SLC44A5: variants seen among roughly 807,000 people sequenced by gnomAD.
SLC44A5 encodes the protein solute carrier family 44 member 5.
In SLC44A5, 57 loss-of-function variants were observed where a neutral mutation model predicts 101.8. The observed-to-expected ratio is 0.56, with a 90% CI of 0.45 to 0.70. The LOEUF (loss-of-function observed/expected upper bound fraction) is 0.70, where lower values mean the gene tolerates loss of function less well. SLC44A5 is among the 30% of genes least tolerant of loss of function. The pLI is 0.00. For synonymous variants in SLC44A5, 281 were observed against 290.9 expected, an observed-to-expected ratio of 0.97 and a Z score of 0.35; for missense variants, 737 against 853.1, an observed-to-expected ratio of 0.86 and a Z score of 1.70.
At chr1:75,341,342 C>T (rs1030645004) in intron 3 of SLC44A5, among the ~76,000 whole-genome samples, 6 of 152,136 alleles carry the variant, frequency 3.9e-5, no homozygotes, top group African/African-American at 9.6e-5. Context: ...ATTAGCTGGG[C>T]GTGATGGTGC....
chr1:75,669,773 A>G, the SLC44A5 span, among the ~76,000 whole-genome samples: 1 of 152,180 alleles, frequency 6.6e-6, no homozygotes, highest in Admixed American at 6.6e-5. Context: ...AAAATACTTG[A>G]GCAATTTCTT....
At chr1:75,523,271 C>T (rs1670238309) in intron 2 of SLC44A5, among the ~76,000 whole-genome samples, 1 of 152,036 alleles carries the variant, frequency 6.6e-6, no homozygotes, top group Admixed American at 6.6e-5. Flanking sequence ...ACAGACAAGC[C>T]TAGTTTTAAA....
rs187967935 is a variant in SLC44A5 at position 75,399,893 on chromosome 1, G to C, written c.14-3272C>G. Among the ~76,000 whole-genome samples the C allele has an allele frequency of 3.7e-3, 570 of 152,196 alleles. 3 individuals are homozygous for C. Among genetic ancestry groups the C allele is most frequent in the African/African-American group, 0.013 (548 of 41,520 alleles). On this transcript the variant is annotated intron_variant, in intron 2 of 23. Coordinates refer to ENST00000370859, the MANE Select transcript of SLC44A5 (RefSeq NM_001130058.2). ...AAATACCTGCACTCATATGTTTATT[G>C]CAGAACTGTTCGAAATACCAAAGTT...
At chr1:75,580,839 A>T (rs1413578584) in intron 1 of SLC44A5, among the ~76,000 whole-genome samples, 1 of 151,584 alleles carries the variant, frequency 6.6e-6, no homozygotes, top group Non-Finnish European at 1.5e-5. Context: ...CTCTGTCTCA[A>T]AAAAAAAAAC....
intron 1 of SLC44A5, among the ~76,000 whole-genome samples, chr1:75,555,919 C>G (rs1672189643): frequency 6.6e-6 from 1 of 152,012 alleles, no homozygotes. Context: ...ATAGATGAAT[C>G]TCAAAGTAAT....
chr1:75,654,671 C>T, the SLC44A5 span, among the ~76,000 whole-genome samples: 2,942 of 152,162 alleles, frequency 0.019, 93 homozygotes, highest in African/African-American at 0.068. Flanking sequence ...AAAATCTAAC[C>T]CTGAAGCCCA....
chr1:75,233,868 T>C, intron 12 of SLC44A5, 118 bp downstream of exon 12: 1 of 745,032 alleles, frequency 1.3e-6, no homozygotes, highest in Middle Eastern at 2.7e-4. Context: ...AAAGCTTTTT[T>C]GAGGGTAAAG....
intron 4 of SLC44A5, 97 bp from the exon 5 acceptor site, chr1:75,300,782 T>A: frequency 1.5e-6 from 1 of 656,466 alleles, no homozygotes; most frequent in Non-Finnish European, 2.4e-6. Flanking sequence ...ATAGTAATAG[T>A]GAGATGTTAT....
chr1:75,301,191 A>G (rs1476882782), intron 4 of SLC44A5, among the ~76,000 whole-genome samples: 1 of 152,174 alleles, frequency 6.6e-6, no homozygotes, highest in Non-Finnish European at 1.5e-5. Flanking sequence ...GGAACAAGGT[A>G]TATAAAGCAT....
rs945332901 is a variant in SLC44A5 at position 75,399,921 on chromosome 1, T to C, written c.14-3300A>G. Reference sequence around the variant, plus strand: ...GAACTGTTCGAAATACCAAAGTTATTGAATCAACCTAAGTGTTCACCAACA... The same window carrying C: ...GAACTGTTCGAAATACCAAAGTTATCGAATCAACCTAAGTGTTCACCAACA... On this transcript the variant is annotated intron_variant, in intron 2 of 23. Transcript: ENST00000370859. 2.6e-5 allele frequency among the ~76,000 whole-genome samples: 4 copies of C among 152,310 alleles called. No homozygotes were observed. In the East Asian group the frequency reaches 7.7e-4, roughly 29 times the overall value.
chr1:75,227,577 C>T lies in SLC44A5; in HGVS notation c.985+149G>A, dbSNP rs942014412. On this transcript the variant is annotated intron_variant, in intron 13 of 23. Transcript: ENST00000370859. ...TTTTCCTCAATGACTTTTCCACTTA[C>T]TGTAGTTAGAGGATTATAGACACAT... 5.8e-6 allele frequency: 3 copies of T among 514,462 alleles called. No homozygotes were observed. In the African/African-American group the frequency reaches 6.1e-5, roughly 10 times the overall value. The allele number at this position is 514,462 out of a possible 1,614,324, so 31.9% of individuals were successfully genotyped here.
chr1:75,530,244 G>A (rs776598340), intron 2 of SLC44A5, among the ~76,000 whole-genome samples: 9 of 151,898 alleles, frequency 5.9e-5, no homozygotes, highest in Middle Eastern at 3.2e-3. Flanking sequence ...CAAACTAAGG[G>A]CATCACTAAG....
intron 12 of SLC44A5, among the ~76,000 whole-genome samples, chr1:75,228,086 G>A (rs972315123): frequency 1.3e-5 from 2 of 152,048 alleles, no homozygotes; most frequent in African/African-American, 4.8e-5. Context: ...GGCAACATCT[G>A]GCTTTAAATG....
intron 4 of SLC44A5, among the ~76,000 whole-genome samples, chr1:75,337,875 A>T (rs1657569558): frequency 6.6e-6 from 1 of 152,196 alleles, no homozygotes; most frequent in South Asian, 2.1e-4. Flanking sequence ...AGTCTGTCTG[A>T]ATATCCAATA....
At chr1:75,300,941 A>G (rs1435330173) in intron 4 of SLC44A5, among the ~76,000 whole-genome samples, 1 of 152,182 alleles carries the variant, frequency 6.6e-6, no homozygotes, top group African/African-American at 2.4e-5. Flanking sequence ...ATTTATTTGT[A>G]AAATATTTTT....
At chr1:75,449,909 G>A (rs1372041141) in intron 2 of SLC44A5, among the ~76,000 whole-genome samples, 1 of 152,086 alleles carries the variant, frequency 6.6e-6, no homozygotes, top group Non-Finnish European at 1.5e-5. Flanking sequence ...GCTGAGGCAG[G>A]AGAATCTCTT....
At chr1:75,323,902 A>G (rs1370932016) in intron 4 of SLC44A5, among the ~76,000 whole-genome samples, 1 of 152,152 alleles carries the variant, frequency 6.6e-6, no homozygotes, top group Non-Finnish European at 1.5e-5. Context: ...AACAACTGCC[A>G]TTTCCATTAC....
chr1:75,595,483 C>T (rs570138488), intron 1 of SLC44A5, among the ~76,000 whole-genome samples: 2 of 152,034 alleles, frequency 1.3e-5, no homozygotes, highest in Middle Eastern at 3.4e-3. Flanking sequence ...TTAGATAGTT[C>T]CCTATTTGAA....
intron 3 of SLC44A5, 49 bp downstream of exon 3, chr1:75,396,534 A>G (rs2101399134): frequency 7.1e-7 from 1 of 1,402,458 alleles, no homozygotes; most frequent in East Asian, 2.3e-5. Flanking sequence ...CTCAATGGAT[A>G]GACTGTCATG....
Sources: gnomAD v4.1 joint callset for allele counts (sites outside exome capture counted in the v4.1 genomes callset) on GRCh38, gnomAD v4.1.1 for gene constraint, MANE v1.5 for transcripts, NCBI Gene and HGNC (gene_info 2026-07-23, HGNC 2026-07-21) for gene names.